DLG2: variants seen among roughly 807,000 people sequenced by gnomAD.
DLG2 encodes discs large MAGUK scaffold protein 2, also known as disks large homolog 2.
In DLG2, 45 loss-of-function variants were observed where a neutral mutation model predicts 132.5. The ratio of observed to expected loss-of-function variants is 0.34; its 90% confidence interval spans 0.27 to 0.44. DLG2 has a LOEUF of 0.44. Among genes scored for constraint, DLG2 ranks in the 20% least tolerant of loss-of-function variants. DLG2 has a pLI of 1.00. For synonymous variants in DLG2, 424 were observed against 419.6 expected, an observed-to-expected ratio of 1.01 and a Z score of -0.13; for missense variants, 1,045 against 1,196.9, an observed-to-expected ratio of 0.87 and a Z score of 1.87.
intron 3 of DLG2, among the ~76,000 whole-genome samples, chr11:85,394,085 A>C (rs1009211304): frequency 4.6e-5 from 7 of 152,322 alleles, no homozygotes; most frequent in African/African-American, 1.4e-4. Context: ...AAATCTAGAA[A>C]AAAGAATCTA....
intron 7 of DLG2, among the ~76,000 whole-genome samples, chr11:84,447,586 A>C (rs944855013): frequency 2.6e-5 from 4 of 152,110 alleles, no homozygotes; most frequent in African/African-American, 7.2e-5. Flanking sequence ...CCAGGTTCCC[A>C]TGTGTCTCTT....
intron 9 of DLG2, among the ~76,000 whole-genome samples, chr11:84,131,880 A>C (rs910767515): frequency 6.6e-6 from 1 of 151,704 alleles, no homozygotes; most frequent in Non-Finnish European, 1.5e-5. Context: ...AACTGGATGC[A>C]TTATCATGTA....
At chr11:84,734,302 CTT>C (rs1428370068) in intron 6 of DLG2, among the ~76,000 whole-genome samples, 1 of 152,104 alleles carries the variant, frequency 6.6e-6, no homozygotes, top group Non-Finnish European at 1.5e-5. Flanking sequence ...TTTGTATCCT[CTT>C]TTATTTTGTT....
chr11:84,290,799 T>C (rs2097982469), intron 7 of DLG2, among the ~76,000 whole-genome samples: 2 of 152,150 alleles, frequency 1.3e-5, no homozygotes, highest in African/African-American at 4.8e-5. Context: ...GAAATTGTTC[T>C]TTTGGTAGTA....
intron 6 of DLG2, among the ~76,000 whole-genome samples, chr11:84,733,821 G>A (rs962928147): frequency 6.6e-5 from 10 of 152,152 alleles, no homozygotes; most frequent in Non-Finnish European, 1.3e-4. Context: ...TGTATAAGGT[G>A]TAAGGAAGGG....
At chr11:84,164,419 G>A (rs1011103122) in intron 8 of DLG2, among the ~76,000 whole-genome samples, 20 of 152,136 alleles carry the variant, frequency 1.3e-4, no homozygotes, top group African/African-American at 4.6e-4. Flanking sequence ...TCAGCCAGAA[G>A]GACTACATTT....
At chr11:83,818,325 G>A (rs1046918935) in intron 17 of DLG2, among the ~76,000 whole-genome samples, 4 of 152,094 alleles carry the variant, frequency 2.6e-5, no homozygotes, top group East Asian at 1.9e-4. Context: ...TGAAAAAATC[G>A]TTTATCTTAG....
intron 6 of DLG2, among the ~76,000 whole-genome samples, chr11:84,821,262 A>G (rs150195213): frequency 9.2e-4 from 140 of 151,962 alleles, no homozygotes; most frequent in Non-Finnish European, 1.8e-3. Context: ...CTTATGATTC[A>G]TGAATATAAA....
intron 6 of DLG2, among the ~76,000 whole-genome samples, chr11:85,049,430 T>C (rs957237903): frequency 2.1e-5 from 3 of 143,142 alleles, no homozygotes; most frequent in Non-Finnish European, 3.2e-5. Context: ...CCACAAGTAT[T>C]TGCTATATCA....
intron 6 of DLG2, among the ~76,000 whole-genome samples, chr11:84,881,809 G>C (rs566172983): frequency 3.3e-5 from 5 of 152,030 alleles, no homozygotes; most frequent in Non-Finnish European, 7.4e-5. Context: ...AACTGGAAGT[G>C]ACACAAAGAA....
At chr11:84,072,242 C>A (rs1009634897) in intron 10 of DLG2, among the ~76,000 whole-genome samples, 1 of 152,216 alleles carries the variant, frequency 6.6e-6, no homozygotes, top group African/African-American at 2.4e-5. Context: ...TTGCTATTCA[C>A]TTCCCCAGCC....
chr11:85,148,581 C>T (rs1171306552), intron 5 of DLG2, among the ~76,000 whole-genome samples: 2 of 152,162 alleles, frequency 1.3e-5, no homozygotes, highest in Non-Finnish European at 2.9e-5. Context: ...ATGTCCTTTG[C>T]CCACTTTTTA....
chr11:83,691,878 A>G (rs751728483), intron 18 of DLG2: 1 of 152,200 alleles, frequency 6.6e-6, no homozygotes, highest in Non-Finnish European at 1.5e-5. Flanking sequence ...TGGCTGCCCA[A>G]TTATAGTTAG....
chr11:85,305,612 A>G (rs138218540), intron 3 of DLG2, among the ~76,000 whole-genome samples: 2,187 of 151,600 alleles, frequency 0.014, 56 homozygotes, highest in African/African-American at 0.051. Flanking sequence ...TCCCGGGTTT[A>G]CTCCATTCTC....
chr11:85,487,294 A>G (rs1049394428), intron 3 of DLG2, among the ~76,000 whole-genome samples: 2 of 151,904 alleles, frequency 1.3e-5, no homozygotes, highest in African/African-American at 2.4e-5. Flanking sequence ...AAGGAACACA[A>G]CAATTCCCTG....
chr11:84,154,920 T>C (rs969612957), intron 9 of DLG2, among the ~76,000 whole-genome samples: 17 of 152,180 alleles, frequency 1.1e-4, no homozygotes, highest in Non-Finnish European at 2.2e-4. Context: ...AAATGGTATC[T>C]AATTAAACTA....
chr11:84,379,369 A>G (rs1348147519), intron 7 of DLG2, among the ~76,000 whole-genome samples: 4 of 152,172 alleles, frequency 2.6e-5, no homozygotes, highest in African/African-American at 7.2e-5. Context: ...TAAAATTTCC[A>G]GAAATTAAAA....
At position 84,626,330 on chromosome 11, in the gene DLG2, C is replaced by T. The variant is rs868459704; in HGVS notation, c.358-91599G>A. 2.4e-4 allele frequency among the ~76,000 whole-genome samples: 36 copies of T among 152,258 alleles called. No homozygotes were observed. In the Middle Eastern group the frequency reaches 0.014, roughly 58 times the overall value. The stretch of plus-strand genomic sequence containing the variant: ...CATGATTCCTCTTTACTTCAAGACA[C>T]AACACTCCTAACTCTTGAAAGCTGG... On this transcript the variant is annotated intron_variant, in intron 6 of 27. Transcript: ENST00000376104.
At chr11:84,280,446 T>G (rs560205059) in intron 7 of DLG2, among the ~76,000 whole-genome samples, 5 of 152,042 alleles carry the variant, frequency 3.3e-5, no homozygotes, top group African/African-American at 1.2e-4. Context: ...TTTTTGTATT[T>G]TTTGTAGTGA....
Sources: gnomAD v4.1 joint callset for allele counts (sites outside exome capture counted in the v4.1 genomes callset) on GRCh38, gnomAD v4.1.1 for gene constraint, MANE v1.5 for transcripts, NCBI Gene and HGNC (gene_info 2026-07-23, HGNC 2026-07-21) for gene names.